The following RYR3 variants were observed in gnomAD, a reference collection of about 807,000 sequenced individuals.
RYR3 encodes brain ryanodine receptor-calcium release channel.
A neutral mutation model predicts 584.3 loss-of-function variants in RYR3; 207 were observed. The ratio of observed to expected loss-of-function variants is 0.35; its 90% CI spans 0.32 to 0.40. The LOEUF (loss-of-function observed/expected upper bound fraction) is 0.40. Among genes scored for constraint, RYR3 ranks in the 10% least tolerant of loss-of-function variants. The pLI is 1.00. For missense variants in RYR3, 5,616 were observed against 6,089.2 expected (o/e 0.92, Z 2.59); for synonymous variants, 2,416 against 2,248.5 (o/e 1.07, Z -2.11).
chr15:33,616,984 C>G (rs1208634842), intron 19 of RYR3, among the ~76,000 whole-genome samples: 1 of 152,220 alleles, frequency 6.6e-6, no homozygotes, highest in Non-Finnish European at 1.5e-5. Flanking sequence ...AAGTGTTATT[C>G]TTACATCAAC....
In RYR3 at chr15:33,579,891, G is replaced by T. The variant is rs1042902802; in HGVS notation, c.1269-85G>T. The T allele has an allele frequency of 4.9e-6, 5 of 1,025,006 alleles. No individual in the cohort carries two copies. The African/African-American group carries it at 8.0e-5, about 16-fold the overall frequency. The allele number at this position is 1,025,006 out of a possible 1,614,324, so 63.5% of individuals were successfully genotyped here. A position where few individuals can be genotyped will look rare whatever the true frequency, so the allele number is the denominator to read the frequency against. ...AGCAACTCATGGTGCACCGTGGGGG[G>T]CTGTTAGGAGTGGGACCCAGTGGGT... On this transcript the variant is annotated intron_variant, in intron 12 of 103. Transcript: ENST00000634891.
At chr15:33,815,820 AT>A (rs2076787038) in intron 74 of RYR3, 1 of 398,436 alleles carries the variant, frequency 2.5e-6, no homozygotes, top group Admixed American at 4.4e-5. Flanking sequence ...GAAAACTTGT[AT>A]GCTTCTCTCC....
chr15:33,325,877 C>T (rs1969637436), intron 1 of RYR3, among the ~76,000 whole-genome samples: 1 of 152,064 alleles, frequency 6.6e-6, no homozygotes, highest in South Asian at 2.1e-4. Flanking sequence ...TCATGCCCCA[C>T]TGCAGCCTCC....
intron 1 of RYR3, among the ~76,000 whole-genome samples, chr15:33,327,167 GA>G (rs1209333653): frequency 3.3e-5 from 5 of 152,086 alleles, no homozygotes; most frequent in South Asian, 2.1e-4. Flanking sequence ...AAAGGTGACA[GA>G]AAAAAAAGTA....
chr15:33,422,552 G>A (rs905054606), intron 1 of RYR3, among the ~76,000 whole-genome samples: 4 of 152,164 alleles, frequency 2.6e-5, no homozygotes, highest in African/African-American at 9.7e-5. Context: ...TGTGGGGAAG[G>A]CTTGATCATG....
intron 1 of RYR3, among the ~76,000 whole-genome samples, chr15:33,328,530 A>T (rs1218689044): frequency 1.3e-5 from 2 of 152,232 alleles, no homozygotes. Context: ...AGTGCCCCAG[A>T]TAATATTCTC....
At chr15:33,352,164 T>A (rs916863218) in intron 1 of RYR3, among the ~76,000 whole-genome samples, 66 of 152,208 alleles carry the variant, frequency 4.3e-4, no homozygotes, top group African/African-American at 1.5e-3. Flanking sequence ...TCATTTTTTT[T>A]AAATTGTTGA....
At chr15:33,646,681 C>T (rs2062121028) in intron 29 of RYR3, among the ~76,000 whole-genome samples, 155 bp downstream of exon 29, 1 of 152,216 alleles carries the variant, frequency 6.6e-6, no homozygotes, top group African/African-American at 2.4e-5. Flanking sequence ...TATGTGCACG[C>T]ATGTACATGC....
intron 38 of RYR3, among the ~76,000 whole-genome samples, chr15:33,686,559 C>T (rs1047994627): frequency 5.9e-5 from 9 of 152,126 alleles, no homozygotes; most frequent in Non-Finnish European, 1.2e-4. Context: ...AGAGGGAATC[C>T]TCCCTTACTC....
intron 1 of RYR3, among the ~76,000 whole-genome samples, chr15:33,372,180 A>G (rs1425766989): frequency 6.6e-6 from 1 of 152,052 alleles, no homozygotes; most frequent in Non-Finnish European, 1.5e-5. Flanking sequence ...AGGTTTTGAT[A>G]TTGTTACTGC....
intron 1 of RYR3, among the ~76,000 whole-genome samples, chr15:33,339,182 A>G (rs1256336672): frequency 6.6e-6 from 1 of 152,260 alleles, no homozygotes; most frequent in Non-Finnish European, 1.5e-5. Flanking sequence ...GACCGAAGGC[A>G]CTTACGTGCT....
rs116123977 is a variant in RYR3, at chr15:33,757,044, A to G, written c.8584-431A>G. On this transcript the variant is annotated intron_variant, in intron 59 of 103. Transcript: ENST00000634891. ...GGGAGAATGAATTTGGGCTCAAGTT[A>G]GCAGTCTCTTCCATACAGCCCTGCT... 4.7e-3 allele frequency among the ~76,000 whole-genome samples: 716 copies of G among 152,302 alleles called. 4 individuals carry two copies. Among genetic ancestry groups the G allele is most frequent in the African/African-American group, 0.017 (687 of 41,570 alleles).
intron 27 of RYR3, among the ~76,000 whole-genome samples, chr15:33,642,567 G>C (rs2061890819): frequency 6.6e-6 from 1 of 152,168 alleles, no homozygotes; most frequent in South Asian, 2.1e-4. Context: ...ATCTTGTCAT[G>C]GCACATAGCA....
chr15:33,783,243 G>T (rs552419328), intron 65 of RYR3, among the ~76,000 whole-genome samples: 1 of 152,156 alleles, frequency 6.6e-6, no homozygotes, highest in East Asian at 1.9e-4. Context: ...ATTTTCAGCC[G>T]GTCTCCAGGT....
rs8029517 is a variant in RYR3, at chr15:33,320,372, A to G, written c.51+9276A>G. The stretch of plus-strand genomic sequence containing the variant: ...CCCTTTAAAATCATCATATGGATGT[A>G]GACATCATGAAATCTAAAGAAAGCA... On this transcript the variant is annotated intron_variant, in intron 1 of 103. Coordinates refer to ENST00000634891, the MANE Select transcript of RYR3 (RefSeq NM_001036.6). Among the ~76,000 whole-genome samples the G allele has an allele frequency of 5.8e-3, 883 of 152,358 alleles. 10 individuals carry two copies. Among genetic ancestry groups the G allele is most frequent in the African/African-American group, 0.02 (836 of 41,584 alleles).
rs192358229 is a variant in RYR3 at position 33,563,013 on chromosome 15, G to T, written c.1146+3G>T. The T allele has an allele frequency of 9.3e-4, 1,489 of 1,606,838 alleles. 18 individuals carry two copies. Among genetic ancestry groups the T allele is most frequent in the Non-Finnish European group, 1.8e-4 (210 of 1,176,052 alleles). ...GCCTGGGACCTCTAAAAAGAAAGGTGAGAGTCAGAATATCTGTCTACAATT... is the reference window on the plus strand; with the variant it reads ...GCCTGGGACCTCTAAAAAGAAAGGTTAGAGTCAGAATATCTGTCTACAATT... On this transcript the variant is annotated splice_donor_region_variant and intron_variant, in intron 11 of 103. Transcript: ENST00000634891.
At chr15:33,781,807 C>T (rs1257487238) in intron 65 of RYR3, among the ~76,000 whole-genome samples, 1 of 150,206 alleles carries the variant, frequency 6.7e-6, no homozygotes, top group Non-Finnish European at 1.5e-5. Context: ...TCCTCAACCG[C>T]TTCAGCCTCA....
At chr15:33,435,186 G>T (rs960650241) in intron 1 of RYR3, among the ~76,000 whole-genome samples, 1 of 152,068 alleles carries the variant, frequency 6.6e-6, no homozygotes, top group Non-Finnish European at 1.5e-5. Context: ...TATCACTAGG[G>T]CTTGTTGTAC....
intron 98 of RYR3, among the ~76,000 whole-genome samples, chr15:33,857,260 C>CGT (rs1567341193): frequency 5.3e-5 from 8 of 151,898 alleles, no homozygotes; most frequent in African/African-American, 1.7e-4. Context: ...GCACCAGCAC[C>CGT]TGGTCTCCTC....
Sources: gnomAD v4.1 joint callset for allele counts (sites outside exome capture counted in the v4.1 genomes callset) on GRCh38, gnomAD v4.1.1 for gene constraint, MANE v1.5 for transcripts, NCBI Gene and HGNC (gene_info 2026-07-23, HGNC 2026-07-21) for gene names.